The following KSR2 variants were observed in gnomAD, a reference collection of about 807,000 sequenced individuals.
The protein encoded by KSR2 is kinase suppressor of ras 2.
KSR2 carries 25 observed loss-of-function variants against 107.8 expected under a neutral mutation model. The ratio of observed to expected loss-of-function variants is 0.23; its 90% CI spans 0.17 to 0.32. The LOEUF (loss-of-function observed/expected upper bound fraction) is 0.32. KSR2 is among the 10% of genes least tolerant of loss of function. The pLI, the probability that KSR2 is intolerant of heterozygous loss-of-function variation, is 1.00. For synonymous variants in KSR2, 480 were observed against 507.0 expected (o/e 0.95, Z 0.71); for missense variants, 887 against 1,268.9 (o/e 0.70, Z 4.57).
intron 3 of KSR2, among the ~76,000 whole-genome samples, chr12:117,841,612 G>C (rs796075355): frequency 4.5e-4 from 68 of 152,246 alleles, no homozygotes; most frequent in African/African-American, 1.5e-3. Context: ...AGCCCCAAAG[G>C]GTTGCTCCCT....
At chr12:117,712,502 G>A (rs989962423) in intron 4 of KSR2, among the ~76,000 whole-genome samples, 1 of 152,160 alleles carries the variant, frequency 6.6e-6, no homozygotes, top group Non-Finnish European at 1.5e-5. Flanking sequence ...CCAGCAACAA[G>A]ACATTCTCAC....
rs532623406 is a variant in KSR2 at position 117,962,668 on chromosome 12, C to T, written c.180+5408G>A. On this transcript the variant is annotated intron_variant, in intron 1 of 19. Transcript: ENST00000339824. ...CCATGTTGGCCAGGCTGGTCTCAAA[C>T]TCCTGACCTCAAGTGATCCACTCAC... 9.0e-4 allele frequency among the ~76,000 whole-genome samples: 135 copies of T among 150,240 alleles called. 2 individuals carry two copies. The highest frequency in any genetic ancestry group is 2.0e-4 in the Admixed American group (3 of 15,016).
Position 117,517,396 on chromosome 12 carries a change from C to G in KSR2, c.2219+7456G>C, listed in dbSNP as rs61197949. 0.015 allele frequency among the ~76,000 whole-genome samples: 2,216 copies of G among 152,266 alleles called. 88 individuals carry two copies. The East Asian group carries it at 0.15, about 10-fold the overall frequency. ...ATTTCATTTTCTTCTTTCTGCTGAT[C>G]TGCATTTGCAATTGCAAACAAGTCA... On this transcript the variant is annotated intron_variant, in intron 14 of 19. Transcript: ENST00000339824.
chr12:117,687,951 C>G (rs1885644157), intron 4 of KSR2, among the ~76,000 whole-genome samples: 1 of 152,188 alleles, frequency 6.6e-6, no homozygotes, highest in Non-Finnish European at 1.5e-5. Context: ...CCTGTCAATC[C>G]TGAGAGTTAT....
At chr12:117,517,823 G>A (rs1393204575) in intron 14 of KSR2, 1 of 455,820 alleles carries the variant, frequency 2.2e-6, no homozygotes, top group African/African-American at 2.0e-5. Context: ...CCCAACTCCT[G>A]TACGTTATAT....
rs1415278748 is a variant in KSR2 at position 117,826,024 on chromosome 12, G to GGAT, written c.472+29403_472+29404insATC. On this transcript the variant is annotated intron_variant, in intron 3 of 19. Transcript: ENST00000339824. The stretch of plus-strand genomic sequence containing the variant: ...GTGGGTGGATGGATGGATGCATGGA[G>GGAT]GGATGGATGGATGGATGGATGAATG... Among the ~76,000 whole-genome samples the GGAT allele has an allele frequency of 2.4e-3, 355 of 150,012 alleles. 4 individuals are homozygous for GGAT. Among genetic ancestry groups the GGAT allele is most frequent in the Non-Finnish European group, 1.7e-3 (112 of 67,602 alleles).
At chr12:117,771,033 T>C (rs988895473) in intron 3 of KSR2, among the ~76,000 whole-genome samples, 1 of 151,726 alleles carries the variant, frequency 6.6e-6, no homozygotes, top group Non-Finnish European at 1.5e-5. Flanking sequence ...AAGCACTTTA[T>C]GCATGTATTC....
At chr12:117,860,258 A>G (rs747821027) in intron 2 of KSR2, 33 bp downstream of exon 2, 2 of 1,591,770 alleles carry the variant, frequency 1.3e-6, no homozygotes, top group Non-Finnish European at 1.7e-6. Flanking sequence ...CTGGCCAGTA[A>G]GGGGCAGGGG....
rs540321556 is a variant in KSR2 at position 117,514,526 on chromosome 12, TTCTC to T, written c.2219+10322_2219+10325del. Among the ~76,000 whole-genome samples, 669 of 145,402 alleles carry T rather than the reference TTCTC, an allele frequency of 4.6e-3. 3 individuals carry two copies. Among genetic ancestry groups the T allele is most frequent in the African/African-American group, 0.014 (569 of 39,516 alleles). On this transcript the variant is annotated intron_variant, in intron 14 of 19. Transcript: ENST00000339824. Reference sequence around the variant, plus strand: ...AAAGGTCCTTTAAGATGTCTTTGGTTTCTCTCTCTCTCTCTCTCTTTTTTTTTTT... The same window carrying T: ...AAAGGTCCTTTAAGATGTCTTTGGTTTCTCTCTCTCTCTCTTTTTTTTTTT...
chr12:117,966,895 G>C (rs1216898444), intron 1 of KSR2, among the ~76,000 whole-genome samples: 1 of 152,160 alleles, frequency 6.6e-6, no homozygotes, highest in African/African-American at 2.4e-5. Context: ...CCAGGACCAA[G>C]ATGAACGTCT....
intron 4 of KSR2, among the ~76,000 whole-genome samples, chr12:117,703,673 C>G (rs1886411601): frequency 6.6e-6 from 1 of 152,178 alleles, no homozygotes; most frequent in African/African-American, 2.4e-5. Flanking sequence ...TTATCAAACA[C>G]ACACAGCTAC....
At chr12:117,738,288 C>T (rs905932598) in intron 4 of KSR2, among the ~76,000 whole-genome samples, 20 of 152,310 alleles carry the variant, frequency 1.3e-4, no homozygotes, top group African/African-American at 4.1e-4. Context: ...AATAAGAAAA[C>T]GCATTCTATG....
At chr12:117,941,792 A>ATTTTTTTTTTTTTTT (rs542293863) in intron 1 of KSR2, among the ~76,000 whole-genome samples, 1 of 97,800 alleles carries the variant, frequency 1.0e-5, no homozygotes, top group African/African-American at 4.1e-5. Context: ...GGCCTGGCTA[A>ATTTTTTTTTTTTTTT]TTTTTTTTTT....
At chr12:117,695,478 G>T (rs912506243) in intron 4 of KSR2, among the ~76,000 whole-genome samples, 2 of 151,850 alleles carry the variant, frequency 1.3e-5, no homozygotes, top group Non-Finnish European at 2.9e-5. Flanking sequence ...GGCCAAGGTG[G>T]GTGGATCCCT....
intron 1 of KSR2, among the ~76,000 whole-genome samples, chr12:117,879,738 CTG>C (rs1353197965): frequency 6.6e-6 from 1 of 151,692 alleles, no homozygotes; most frequent in East Asian, 2.0e-4. Flanking sequence ...AGAAAAAAAA[CTG>C]TATATCAAAT....
At chr12:117,762,868 C>CA (rs796642333) in intron 3 of KSR2, among the ~76,000 whole-genome samples, 3,437 of 135,780 alleles carry the variant, frequency 0.025, 140 homozygotes, top group African/African-American at 0.082. Context: ...AACTCAGTCT[C>CA]AAAAAAAAAA....
At chr12:117,940,955 G>A (rs972185396) in intron 1 of KSR2, among the ~76,000 whole-genome samples, 1 of 151,958 alleles carries the variant, frequency 6.6e-6, no homozygotes, top group African/African-American at 2.4e-5. Context: ...GCATGGTGGT[G>A]GTTACCTGTA....
At chr12:117,729,676 C>T (rs1019273146) in intron 4 of KSR2, among the ~76,000 whole-genome samples, 1 of 152,120 alleles carries the variant, frequency 6.6e-6, no homozygotes, top group Non-Finnish European at 1.5e-5. Flanking sequence ...AACCATGCAT[C>T]CATCCATCCA....
intron 2 of KSR2, 111 bp downstream of exon 2, chr12:117,860,180 T>C: frequency 2.8e-6 from 3 of 1,088,090 alleles, no homozygotes; most frequent in Non-Finnish European, 3.9e-6. Context: ...GAGAGCCTGC[T>C]ATGTGCCAGG....
Sources: allele counts gnomAD v4.1 joint callset (sites outside exome capture counted in the v4.1 genomes callset), GRCh38; gene constraint gnomAD v4.1.1; transcripts MANE v1.5; gene names NCBI Gene and HGNC (gene_info 2026-07-23, HGNC 2026-07-21).